Variants in CAMKK2 observed in about 807,000 individuals in gnomAD.
CAMKK2 encodes calcium/calmodulin dependent protein kinase kinase 2.
A neutral mutation model predicts 67.2 loss-of-function variants in CAMKK2; 30 were observed. The observed-to-expected ratio is 0.45, with a 90% CI of 0.33 to 0.61. The LOEUF is 0.61. Ranked by LOEUF, CAMKK2 falls within the 20% of genes least tolerant of loss-of-function variation. The probability of loss-of-function intolerance (pLI) is 0.02; values close to 1 mark genes in which losing one functional copy is unlikely to be tolerated. For missense variants in CAMKK2, 643 were observed against 802.0 expected (o/e 0.80, Z 2.39); for synonymous variants, 322 against 326.2 (o/e 0.99, Z 0.14).
In CAMKK2 at chr12:121,245,276, G is replaced by C; in HGVS notation, c.1453-36C>G. On this transcript the variant is annotated intron_variant, in intron 14 of 16. Transcript: ENST00000404169. The surrounding 1 kb of genome is among the most constrained non-coding windows in gnomAD (Gnocchi z 5.8). ...AGAAAAGAGGAGGTGGCAGGCAACT[G>C]CTTGGCCATGTGGGGGCGATTCTGG... 1 of 1,373,338 alleles carries C rather than the reference G, an allele frequency of 7.3e-7. No homozygotes were observed. The highest frequency in any genetic ancestry group is 1.4e-5 in the African/African-American group (1 of 70,086). The allele number at this position is 1,373,338 out of a possible 1,614,324, so 85.1% of individuals were successfully genotyped here.
intron 1 of CAMKK2, among the ~76,000 whole-genome samples, chr12:121,282,816 G>A (rs759422639): frequency 6.6e-6 from 1 of 151,892 alleles, no homozygotes; most frequent in Non-Finnish European, 1.5e-5. Context: ...GTGCAATGGC[G>A]CAATTTCGGC....
At chr12:121,281,042 G>A (rs1208703458) in intron 1 of CAMKK2, among the ~76,000 whole-genome samples, 124 of 145,480 alleles carry the variant, frequency 8.5e-4, no homozygotes, top group Middle Eastern at 3.4e-3. Flanking sequence ...TGGTTTTTGT[G>A]GCTTGTGGGG....
intron 7 of CAMKK2, among the ~76,000 whole-genome samples, chr12:121,258,532 T>G (rs1323205096): frequency 2.0e-5 from 3 of 152,160 alleles, no homozygotes; most frequent in Non-Finnish European, 4.4e-5. Context: ...GGCCTGTAGC[T>G]GCAGACCCTT....
At chr12:121,252,344 C>G (rs1261425970) in intron 11 of CAMKK2, among the ~76,000 whole-genome samples, 1 of 152,256 alleles carries the variant, frequency 6.6e-6, no homozygotes, top group Non-Finnish European at 1.5e-5. Flanking sequence ...TCTCAGCTCA[C>G]TGCAAGCTCC....
At chr12:121,254,905 G>A (rs1346125282) in intron 9 of CAMKK2, among the ~76,000 whole-genome samples, 1 of 151,982 alleles carries the variant, frequency 6.6e-6, no homozygotes, top group Non-Finnish European at 1.5e-5. Flanking sequence ...GTCTGTGTGG[G>A]TGTTGCCAAA....
chr12:121,279,829 A>C (rs1443283053), intron 1 of CAMKK2, among the ~76,000 whole-genome samples: 1 of 152,212 alleles, frequency 6.6e-6, no homozygotes, highest in Non-Finnish European at 1.5e-5. Context: ...GGCCAGGATG[A>C]GGGAAACGCT....
At position 121,255,331 on chromosome 12, in the gene CAMKK2, TATATATAATTTTATATATATAA is replaced by T. The variant is rs1566059919; in HGVS notation, c.907+197_907+218del. 6.0e-3 allele frequency among the ~76,000 whole-genome samples: 33 copies of T among 5,476 alleles called. 7 individuals carry two copies. The highest frequency in any genetic ancestry group is 9.7e-3 in the Non-Finnish European group (28 of 2,880). 3.6% of individuals were successfully genotyped at this position (5,476 alleles called of 152,430 possible). On this transcript the variant is annotated intron_variant, in intron 9 of 16. Transcript: ENST00000404169. ...ATATATAATTTTATATATATATAATTATATATAATTTTATATATATAATTATATATATAATTTTATATATATA... is the reference window on the plus strand; with the variant it reads ...ATATATAATTTTATATATATATAATTTTATATATATAATTTTATATATATA...
chr12:121,271,002 AGGCACGGT>A lies in CAMKK2; in HGVS notation c.472-65_472-58del. 4 of 1,443,298 alleles carry A rather than the reference AGGCACGGT, an allele frequency of 2.8e-6. No homozygotes were observed. The South Asian group carries it at 4.6e-5, about 17-fold the overall frequency. The allele number at this position is 1,443,298 out of a possible 1,614,324, so 89.4% of individuals were successfully genotyped here. A position where few individuals can be genotyped will look rare whatever the true frequency, so the allele number is the denominator to read the frequency against. ...AATTTTAAGTTTGCAACTAGAGGCC[AGGCACGGT>A]GGCTCACACCTACAAGCCCTTCAGG... On this transcript the variant is annotated intron_variant, in intron 2 of 16. Coordinates refer to ENST00000404169, the MANE Select transcript of CAMKK2 (RefSeq NM_001270485.2).
chr12:121,269,557 C>A lies in CAMKK2; in HGVS notation c.544G>T (p.Ala182Ser). 1 of 1,607,890 alleles carries A rather than the reference C, an allele frequency of 6.2e-7. No individual in the cohort carries two copies. Among genetic ancestry groups the A allele is most frequent in the Non-Finnish European group, 8.5e-7 (1 of 1,176,600 alleles). Residue 182 changes from alanine to serine, a missense_variant, in exon 4 of 17, where the codon GCC becomes TCC. By Grantham distance (99) the Ala-to-Ser change is moderately conservative. This residue lies in a region of CAMKK2 where 483 missense variants were observed against 625.8 expected (regional missense o/e 0.77). Transcript: ENST00000404169. ...TAGGTATTGTCATTTTCATTGTAGG[C>A]CAACTTGACGACACCATAGGAGCCC... Reference protein sequence around the residue: ...GKGSYGVVKLAYNENDNTYYA... With the variant: ...GKGSYGVVKLSYNENDNTYYA...
intron 2 of CAMKK2, 40 bp downstream of exon 2, chr12:121,274,016 C>T (rs1303879369): frequency 7.2e-6 from 10 of 1,397,418 alleles, no homozygotes; most frequent in African/African-American, 1.4e-5. Flanking sequence ...GGAAGGGCAC[C>T]AGGGACCCCT....
chr12:121,294,150 C>G, intron 1 of CAMKK2, among the ~76,000 whole-genome samples: 1 of 152,114 alleles, frequency 6.6e-6, no homozygotes, highest in Non-Finnish European at 1.5e-5. Context: ...CCAGGCTGGT[C>G]TCGAACTCCT....
chr12:121,255,719 C>G (rs1892140736), intron 8 of CAMKK2, 64 bp downstream of exon 8: 1 of 1,604,668 alleles, frequency 6.2e-7, no homozygotes, highest in Non-Finnish European at 8.5e-7. Context: ...CCAGTGGCAC[C>G]TCACTCAGCT....
rs1054122378 is a variant in CAMKK2, at chr12:121,274,201, A to G, written c.326T>C (p.Leu109Pro). 20 of 1,602,536 alleles carry G rather than the reference A, an allele frequency of 1.2e-5. No homozygotes were observed. The highest frequency in any genetic ancestry group is 1.6e-5 in the Non-Finnish European group (19 of 1,172,510). Reference protein sequence around the residue: ...LSLQERSQGGLAAGGSLDMNG... With the variant: ...LSLQERSQGGPAAGGSLDMNG... ...CATGTCCAGGCTGCCACCGGCTGCC[A>G]GCCCACCCTGGGACCGCTCTTGCAG... is the stretch of plus-strand genomic sequence containing the variant. Residue 109 changes from leucine to proline, a missense_variant, in exon 2 of 17, where the codon CTG becomes CCG. Around this residue, in one of 3 missense-constraint regions of CAMKK2, gnomAD observed 483 missense variants for 625.8 expected, o/e 0.77. Coordinates refer to ENST00000404169, the MANE Select transcript of CAMKK2 (RefSeq NM_001270485.2).
At chr12:121,292,128 AT>A (rs112497272) in intron 1 of CAMKK2, among the ~76,000 whole-genome samples, 1,623 of 149,326 alleles carry the variant, frequency 0.011, 32 homozygotes, top group African/African-American at 0.036. Context: ...TTTCACCTCA[AT>A]TTTTTTTTTC....
chr12:121,240,956 G>T lies in CAMKK2; in HGVS notation c.1597-87C>A. 7.5e-7 allele frequency: 1 copy of T among 1,336,342 alleles called. No homozygotes were observed. The highest frequency in any genetic ancestry group is 1.3e-5 in the South Asian group (1 of 78,704). The allele number at this position is 1,336,342 out of a possible 1,614,324, so 82.8% of individuals were successfully genotyped here. On this transcript the variant is annotated intron_variant, in intron 16 of 16. Transcript: ENST00000404169. This position sits in a 1 kb window ranked among gnomAD's most constrained non-coding sequence, Gnocchi z 4.4. ...AGCTGCTCCCACATCTGGGCCCCCT[G>T]CCCAAGTGGGCCGTCGCGCACCCCC...
At chr12:121,258,681 G>A (rs944090839) in intron 7 of CAMKK2, among the ~76,000 whole-genome samples, 1 of 152,046 alleles carries the variant, frequency 6.6e-6, no homozygotes, top group African/African-American at 2.4e-5. Context: ...ATGGCTTTCT[G>A]CAACTGCCAC....
chr12:121,244,720 T>C, intron 15 of CAMKK2, 105 bp from the exon 16 acceptor site: 2 of 904,504 alleles, frequency 2.2e-6, no homozygotes, highest in Non-Finnish European at 3.4e-6. Context: ...AACACCAGCT[T>C]CATAGAGCTG....
chr12:121,255,307 T>TATATATAATTATAC (rs1891885003), intron 9 of CAMKK2, among the ~76,000 whole-genome samples: 3 of 76,422 alleles, frequency 3.9e-5, no homozygotes, highest in African/African-American at 1.6e-4. Context: ...TATAATTTTA[T>TATATATAATTATAC]ATATAATTTT....
intron 1 of CAMKK2, among the ~76,000 whole-genome samples, chr12:121,283,043 C>G (rs959058352): frequency 5.9e-5 from 9 of 152,196 alleles, no homozygotes; most frequent in Non-Finnish European, 1.0e-4. Flanking sequence ...GCATGAGCCA[C>G]CACGCCCTGC....
Sources: gnomAD v4.1 joint callset for allele counts (sites outside exome capture counted in the v4.1 genomes callset) on GRCh38, gnomAD v4.1.1 for gene constraint, gnomAD v4.1.1 regional missense constraint, Gnocchi (gnomAD v3.1) non-coding constraint, MANE v1.5 for transcripts, NCBI Gene and HGNC (gene_info 2026-07-23, HGNC 2026-07-21) for gene names.